The following EXOC6B variants were observed in gnomAD, a reference collection of about 807,000 sequenced individuals.
EXOC6B encodes exocyst complex component 6B.
Under a neutral mutation model 113.5 loss-of-function variants are expected in EXOC6B, and 54 were observed. The ratio of observed to expected loss-of-function variants is 0.48; its 90% confidence interval spans 0.38 to 0.60. The LOEUF (loss-of-function observed/expected upper bound fraction) is 0.60. Among genes scored for constraint, EXOC6B ranks in the 20% least tolerant of loss-of-function variants. EXOC6B has a pLI of 0.00. For synonymous variants in EXOC6B, 357 were observed against 339.0 expected (o/e 1.05, Z -0.58); for missense variants, 797 against 977.5 (o/e 0.82, Z 2.46).
intron 20 of EXOC6B, among the ~76,000 whole-genome samples, chr2:72,225,192 G>C (rs1459593988): frequency 6.6e-6 from 1 of 151,432 alleles, no homozygotes; most frequent in Non-Finnish European, 1.5e-5. Context: ...TTTATAATTT[G>C]AAATAATACT....
intron 1 of EXOC6B, among the ~76,000 whole-genome samples, chr2:72,763,240 T>C (rs1228815532): frequency 6.6e-6 from 1 of 152,066 alleles, no homozygotes; most frequent in East Asian, 1.9e-4. Flanking sequence ...TCTTATCCTG[T>C]TTTCTTTATA....
At chr2:72,447,770 G>C (rs905392890) in intron 18 of EXOC6B, among the ~76,000 whole-genome samples, 2 of 152,114 alleles carry the variant, frequency 1.3e-5, no homozygotes, top group Non-Finnish European at 2.9e-5. Flanking sequence ...CCTTGTACTT[G>C]TACTTTGTAC....
rs1322196833 is a variant in EXOC6B, at chr2:72,373,595, G to T, written c.2122+6134C>A. Among the ~76,000 whole-genome samples, 6 of 152,126 alleles carry T rather than the reference G, an allele frequency of 3.9e-5. No individual in the cohort carries two copies. In the East Asian group the frequency reaches 1.2e-3, roughly 29 times the overall value. On this transcript the variant is annotated intron_variant, in intron 19 of 21. Transcript: ENST00000272427. ...AAAACTAATAATCCAATTTAAAAAT[G>T]AGCAAAAGAATTGAATAACTATTAC...
intron 7 of EXOC6B, among the ~76,000 whole-genome samples, chr2:72,561,060 C>T (rs1412613954): frequency 6.6e-6 from 1 of 152,008 alleles, no homozygotes; most frequent in Non-Finnish European, 1.5e-5. Context: ...AACACTAAAA[C>T]ATCTTTACAG....
intron 6 of EXOC6B, among the ~76,000 whole-genome samples, chr2:72,639,658 C>G (rs1442093707): frequency 6.6e-6 from 1 of 152,200 alleles, no homozygotes; most frequent in Non-Finnish European, 1.5e-5. Context: ...CCCTTACCAA[C>G]ACAGTGGATT....
intron 18 of EXOC6B, among the ~76,000 whole-genome samples, chr2:72,421,689 C>T (rs1694873957): frequency 6.6e-6 from 1 of 152,256 alleles, no homozygotes; most frequent in Non-Finnish European, 1.5e-5. Context: ...CCCTCACTCG[C>T]TCTCGGCGCC....
chr2:72,249,677 T>A (rs1260256276), intron 20 of EXOC6B, among the ~76,000 whole-genome samples: 2 of 152,164 alleles, frequency 1.3e-5, no homozygotes, highest in African/African-American at 4.8e-5. Flanking sequence ...TCTACAAAAG[T>A]CATATGGGTT....
At chr2:72,775,472 C>A (rs1220107169) in intron 1 of EXOC6B, among the ~76,000 whole-genome samples, 1 of 152,094 alleles carries the variant, frequency 6.6e-6, no homozygotes, top group Non-Finnish European at 1.5e-5. Context: ...GGGTCAAAGA[C>A]CAAATGCAAT....
intron 18 of EXOC6B, among the ~76,000 whole-genome samples, chr2:72,401,563 AT>A: frequency 3.2e-5 from 1 of 31,112 alleles, no homozygotes; most frequent in Non-Finnish European, 4.9e-5. Flanking sequence ...ATATATATAT[AT>A]ACATATATAT....
rs78848338 is a variant in EXOC6B, at chr2:72,790,967, G to A, written c.113+34831C>T. Among the ~76,000 whole-genome samples the A allele has an allele frequency of 3.0e-3, 452 of 152,214 alleles. 6 individuals are homozygous for A. Among genetic ancestry groups the A allele is most frequent in the East Asian group, 0.014 (70 of 5,178 alleles). On this transcript the variant is annotated intron_variant, in intron 1 of 21. Coordinates refer to ENST00000272427, the MANE Select transcript of EXOC6B (RefSeq NM_015189.3). ...AGAATGGGGAAGGGGAGGATGGGGAGCCATGGTGCATGGATACAAAATTAC... is the reference window on the plus strand; with the variant it reads ...AGAATGGGGAAGGGGAGGATGGGGAACCATGGTGCATGGATACAAAATTAC...
chr2:72,817,828 A>G (rs1411889297), intron 1 of EXOC6B, among the ~76,000 whole-genome samples: 5 of 151,930 alleles, frequency 3.3e-5, no homozygotes, highest in Non-Finnish European at 7.4e-5. Context: ...GCTACTTCTC[A>G]TCACCTCCTC....
intron 18 of EXOC6B, among the ~76,000 whole-genome samples, chr2:72,409,937 TA>T (rs1694053885): frequency 6.6e-6 from 1 of 152,176 alleles, no homozygotes. Flanking sequence ...CCTTTGGAAC[TA>T]ATAACAGGGT....
chr2:72,723,788 A>T (rs1009680762), intron 5 of EXOC6B, among the ~76,000 whole-genome samples: 1 of 152,122 alleles, frequency 6.6e-6, no homozygotes, highest in African/African-American at 2.4e-5. Flanking sequence ...CCTAACAAGG[A>T]ACAGACATGA....
intron 8 of EXOC6B, among the ~76,000 whole-genome samples, chr2:72,553,027 A>C (rs758415437): frequency 6.6e-6 from 1 of 152,142 alleles, no homozygotes; most frequent in South Asian, 2.1e-4. Flanking sequence ...GACAATAAAA[A>C]GAATAATGAG....
intron 6 of EXOC6B, among the ~76,000 whole-genome samples, chr2:72,672,209 A>C (rs1315333146): frequency 7.3e-6 from 1 of 136,264 alleles, no homozygotes; most frequent in Non-Finnish European, 1.7e-5. Context: ...TCCAAAAAAA[A>C]AAAAAAAAAA....
rs1676327078 is a variant in EXOC6B at position 72,676,544 on chromosome 2, C to A, written c.669+41559G>T. Among the ~76,000 whole-genome samples the A allele has an allele frequency of 1.3e-5, 2 of 152,182 alleles. 1 individual carries two copies. The highest frequency in any genetic ancestry group is 4.1e-4 in the South Asian group (2 of 4,822). On this transcript the variant is annotated intron_variant, in intron 6 of 21. Coordinates refer to ENST00000272427, the MANE Select transcript of EXOC6B (RefSeq NM_015189.3). ...TCTTTTAAGCATCAGAAGCAGAGTACACAATAGGCTTTGTCTTGTTAAACA... is the reference window on the plus strand; with the variant it reads ...TCTTTTAAGCATCAGAAGCAGAGTAAACAATAGGCTTTGTCTTGTTAAACA...
intron 18 of EXOC6B, among the ~76,000 whole-genome samples, chr2:72,456,461 T>C (rs1697240899): frequency 6.6e-6 from 1 of 152,168 alleles, no homozygotes; most frequent in Non-Finnish European, 1.5e-5. Flanking sequence ...GCTGCTGCAC[T>C]ATACACAGAA....
intron 20 of EXOC6B, among the ~76,000 whole-genome samples, chr2:72,199,989 C>T (rs538665378): frequency 2.6e-5 from 4 of 152,216 alleles, no homozygotes; most frequent in Admixed American, 6.5e-5. Flanking sequence ...CTCCACCTCC[C>T]GGGTTCAAGT....
intron 18 of EXOC6B, among the ~76,000 whole-genome samples, chr2:72,390,731 T>C (rs754588447): frequency 1.2e-4 from 18 of 152,194 alleles, no homozygotes; most frequent in African/African-American, 4.3e-4. Context: ...CTCTGCTGTA[T>C]GCTTCAGTTC....
Sources: gnomAD v4.1 joint callset for allele counts (sites outside exome capture counted in the v4.1 genomes callset) on GRCh38, gnomAD v4.1.1 for gene constraint, MANE v1.5 for transcripts, NCBI Gene and HGNC (gene_info 2026-07-23, HGNC 2026-07-21) for gene names.